Variants in ASAP1 observed in about 807,000 individuals in gnomAD.
The protein encoded by ASAP1 is arf-GAP with SH3 domain, ANK repeat and PH domain-containing protein 1.
A neutral mutation model predicts 145.2 loss-of-function variants in ASAP1; 43 were observed. The observed-to-expected ratio is 0.30, with a 90% CI of 0.23 to 0.38. The LOEUF is 0.38. ASAP1 is among the 10% of genes least tolerant of loss of function. ASAP1 has a pLI of 1.00. For missense variants in ASAP1, 1,018 were observed against 1,355.3 expected (o/e 0.75, Z 3.91); for synonymous variants, 546 against 515.5 (o/e 1.06, Z -0.80).
intron 18 of ASAP1, among the ~76,000 whole-genome samples, chr8:130,120,342 C>T (rs991653897): frequency 3.9e-5 from 6 of 152,212 alleles, no homozygotes; most frequent in East Asian, 1.9e-4. Flanking sequence ...AAAATTAAAT[C>T]GCTCGATTCA....
chr8:130,249,396 G>T (rs1819057524), intron 3 of ASAP1, among the ~76,000 whole-genome samples: 1 of 152,108 alleles, frequency 6.6e-6, no homozygotes, highest in African/African-American at 2.4e-5. Context: ...GTCCTAACAT[G>T]CCAGGCTCCT....
intron 3 of ASAP1, among the ~76,000 whole-genome samples, chr8:130,261,510 G>T (rs1242554666): frequency 6.6e-6 from 1 of 152,162 alleles, no homozygotes; most frequent in East Asian, 1.9e-4. Context: ...ATGGGGTGAT[G>T]AGTGAGCAAG....
chr8:130,141,996 C>T (rs1202870593), intron 13 of ASAP1, among the ~76,000 whole-genome samples: 1 of 152,124 alleles, frequency 6.6e-6, no homozygotes. Context: ...GAGATTATAG[C>T]CATGTACCAC....
intron 3 of ASAP1, among the ~76,000 whole-genome samples, chr8:130,249,575 G>C (rs1357079141): frequency 6.6e-6 from 1 of 151,924 alleles, no homozygotes; most frequent in Non-Finnish European, 1.5e-5. Context: ...AAGTTTCACT[G>C]CCCCCCTTCC....
intron 3 of ASAP1, chr8:130,341,028 T>A (rs1439083300): frequency 2.5e-6 from 1 of 403,780 alleles, no homozygotes; most frequent in Non-Finnish European, 4.9e-6. Context: ...AGAGTGTTTT[T>A]TAACCGACAT....
chr8:130,339,385 T>C (rs1444847754), intron 3 of ASAP1, among the ~76,000 whole-genome samples: 2 of 152,324 alleles, frequency 1.3e-5, no homozygotes, highest in African/African-American at 4.8e-5. Flanking sequence ...TAGGACTTTA[T>C]GGAGAGAAAA....
intron 4 of ASAP1, among the ~76,000 whole-genome samples, chr8:130,235,638 C>A (rs902246531): frequency 6.6e-6 from 1 of 152,086 alleles, no homozygotes; most frequent in East Asian, 1.9e-4. Flanking sequence ...TAGTTATCTA[C>A]CTTAATGAGA....
chr8:130,397,069 A>C (rs759314705), intron 2 of ASAP1, among the ~76,000 whole-genome samples: 1 of 152,160 alleles, frequency 6.6e-6, no homozygotes, highest in Non-Finnish European at 1.5e-5. Context: ...GAGTTTTCCC[A>C]GGGATGACAA....
intron 3 of ASAP1, among the ~76,000 whole-genome samples, chr8:130,328,023 A>AT (rs1020254636): frequency 9.2e-5 from 14 of 152,228 alleles, no homozygotes; most frequent in Middle Eastern, 3.4e-3. Flanking sequence ...GCAAAAGAAA[A>AT]ATATATATAT....
chr8:130,330,455 C>A (rs1824612695), intron 3 of ASAP1, among the ~76,000 whole-genome samples: 1 of 152,240 alleles, frequency 6.6e-6, no homozygotes, highest in African/African-American at 2.4e-5. Flanking sequence ...GCTAACCTGG[C>A]ACCCCACAAC....
intron 9 of ASAP1, 36 bp from the exon 10 acceptor site, chr8:130,169,103 T>TAAA: frequency 9.4e-7 from 1 of 1,058,792 alleles, no homozygotes; most frequent in Non-Finnish European, 1.3e-6. Context: ...ACCACCAGTA[T>TAAA]AAAAAAAAAA....
chr8:130,155,593 G>A (rs144790765), intron 12 of ASAP1, among the ~76,000 whole-genome samples: 86 of 152,184 alleles, frequency 5.7e-4, no homozygotes, highest in African/African-American at 2.0e-3. Context: ...GTGATCTGCC[G>A]GCCTCGGCCT....
chr8:130,152,024 C>T (rs1405106252), intron 13 of ASAP1, among the ~76,000 whole-genome samples: 2 of 152,304 alleles, frequency 1.3e-5, no homozygotes, highest in East Asian at 3.9e-4. Flanking sequence ...AGTGGTACTT[C>T]CTTTCCTCCC....
At chr8:130,350,726 T>C (rs1342113605) in intron 3 of ASAP1, among the ~76,000 whole-genome samples, 1 of 152,120 alleles carries the variant, frequency 6.6e-6, no homozygotes, top group Non-Finnish European at 1.5e-5. Flanking sequence ...AACGCCAGAG[T>C]AGATATTCTC....
intron 3 of ASAP1, among the ~76,000 whole-genome samples, chr8:130,345,564 A>C (rs1825657537): frequency 6.6e-6 from 1 of 152,160 alleles, no homozygotes; most frequent in South Asian, 2.1e-4. Context: ...GCAGGGTGGC[A>C]GTGGGGAGGT....
chr8:130,388,080 A>G (rs772564125), intron 2 of ASAP1, among the ~76,000 whole-genome samples: 4 of 152,240 alleles, frequency 2.6e-5, no homozygotes, highest in Non-Finnish European at 5.9e-5. Flanking sequence ...CTGAGACTTC[A>G]GGATGTGACG....
chr8:130,165,835 T>C (rs553298459), intron 11 of ASAP1, among the ~76,000 whole-genome samples: 1 of 152,356 alleles, frequency 6.6e-6, no homozygotes, highest in African/African-American at 2.4e-5. Flanking sequence ...CTTTAAAAGA[T>C]TAGTGTCACT....
chr8:130,206,367 T>C (rs907130859), intron 5 of ASAP1, among the ~76,000 whole-genome samples: 12 of 152,024 alleles, frequency 7.9e-5, no homozygotes, highest in African/African-American at 2.9e-4. Context: ...AAAGAAGAAC[T>C]TGAGAAATAA....
intron 7 of ASAP1, among the ~76,000 whole-genome samples, chr8:130,186,234 C>T (rs143130763): frequency 6.6e-6 from 1 of 152,302 alleles, no homozygotes; most frequent in African/African-American, 2.4e-5. Flanking sequence ...TTGTTCTCTG[C>T]TGCATTTAGA....
Sources: gnomAD v4.1 joint callset for allele counts (sites outside exome capture counted in the v4.1 genomes callset) on GRCh38, gnomAD v4.1.1 for gene constraint, MANE v1.5 for transcripts, NCBI Gene and HGNC (gene_info 2026-07-23, HGNC 2026-07-21) for gene names.